JAZF1: variants seen among roughly 807,000 people sequenced by gnomAD.
JAZF1 encodes JAZF zinc finger 1, also known as juxtaposed with another zinc finger protein 1.
JAZF1 carries 8 observed loss-of-function variants against 26.4 expected under a neutral mutation model. That is an observed-to-expected ratio of 0.30 (90% confidence interval 0.18 to 0.55). The LOEUF is 0.55. JAZF1 is among the 20% of genes least tolerant of loss of function. JAZF1 has a pLI of 0.94. For missense variants in JAZF1, 199 were observed against 322.0 expected (o/e 0.62, Z 2.92); for synonymous variants, 126 against 122.3 (o/e 1.03, Z -0.20).
At chr7:28,086,924 A>G (rs551326432) in intron 1 of JAZF1, among the ~76,000 whole-genome samples, 2 of 152,192 alleles carry the variant, frequency 1.3e-5, no homozygotes, top group African/African-American at 2.4e-5. Flanking sequence ...TATAAGGGTG[A>G]TGTACCCTGG....
At chr7:28,018,191 G>A (rs1782930751) in intron 1 of JAZF1, among the ~76,000 whole-genome samples, 1 of 152,190 alleles carries the variant, frequency 6.6e-6, no homozygotes, top group African/African-American at 2.4e-5. Flanking sequence ...GGATGGGGGT[G>A]GGCAAGGATA....
intron 3 of JAZF1, among the ~76,000 whole-genome samples, chr7:27,847,306 T>G (rs1783050196): frequency 6.6e-6 from 1 of 151,778 alleles, no homozygotes; most frequent in Non-Finnish European, 1.5e-5. Flanking sequence ...TCTCGTTTAT[T>G]TATTTTTGTT....
intron 1 of JAZF1, among the ~76,000 whole-genome samples, chr7:28,161,004 C>A (rs138981803): frequency 6.6e-6 from 1 of 152,120 alleles, no homozygotes; most frequent in African/African-American, 2.4e-5. Context: ...TGGATCTCAA[C>A]GTCTAAGTCT....
rs760420526 is a variant in JAZF1 at position 27,832,863 on chromosome 7, C to A, written c.669G>T (p.Arg223=). 1.2e-6 allele frequency: 2 copies of A among 1,611,774 alleles called. No homozygotes were observed. The highest frequency in any genetic ancestry group is 2.7e-5 in the African/African-American group (2 of 74,824). ...GGGGATGGAAATTGATTGTGTGGTG[C>A]CGCAGGCCCTGAGCTGTCTTGTAAC... ...GKSYKTAQGL[R]HHTINFHPPV... The change falls in exon 5 of 5, where the codon CGG becomes CGT. Residue 223 remains arginine, a synonymous_variant. Coordinates refer to ENST00000283928, the MANE Select transcript of JAZF1 (RefSeq NM_175061.4).
At chr7:27,869,409 T>C (rs1348675556) in intron 3 of JAZF1, among the ~76,000 whole-genome samples, 1 of 152,172 alleles carries the variant, frequency 6.6e-6, no homozygotes, top group Non-Finnish European at 1.5e-5. Flanking sequence ...GTTTCCATTG[T>C]AATAAATGTG....
chr7:28,160,273 T>C (rs989841926), intron 1 of JAZF1, among the ~76,000 whole-genome samples: 1 of 152,180 alleles, frequency 6.6e-6, no homozygotes, highest in African/African-American at 2.4e-5. Context: ...ACACCCCAAA[T>C]ATAGCATAAC....
At chr7:28,014,763 C>T (rs147249812) in intron 1 of JAZF1, among the ~76,000 whole-genome samples, 71 of 152,246 alleles carry the variant, frequency 4.7e-4, no homozygotes, top group African/African-American at 1.6e-3. Flanking sequence ...TGTTAGAGAA[C>T]GGAATGTCTC....
chr7:28,114,754 G>C (rs887874921), intron 1 of JAZF1, among the ~76,000 whole-genome samples: 59 of 151,744 alleles, frequency 3.9e-4, no homozygotes, highest in African/African-American at 1.4e-3. Context: ...CTGAGGATGA[G>C]TGTGAGAACA....
intron 3 of JAZF1, among the ~76,000 whole-genome samples, chr7:27,885,929 A>G (rs777297796): frequency 1.8e-4 from 27 of 152,186 alleles, no homozygotes; most frequent in Non-Finnish European, 1.8e-4. Context: ...TTCAGCTTAG[A>G]GCAAAAAATG....
chr7:27,938,777 T>C (rs1784797023), intron 2 of JAZF1, among the ~76,000 whole-genome samples: 1 of 151,760 alleles, frequency 6.6e-6, no homozygotes, highest in African/African-American at 2.4e-5. Context: ...GCTCAAGCAA[T>C]TGTCCCACCT....
chr7:28,152,417 C>T (rs1454256711), intron 1 of JAZF1, among the ~76,000 whole-genome samples: 1 of 152,140 alleles, frequency 6.6e-6, no homozygotes, highest in Non-Finnish European at 1.5e-5. Flanking sequence ...AGTAAGCTGG[C>T]CCTCTGACCC....
chr7:27,840,307 T>TGAGCCATCTGTA lies in JAZF1; in HGVS notation c.555+379_555+390dup, dbSNP rs1489409075. Among the ~76,000 whole-genome samples the TGAGCCATCTGTA allele has an allele frequency of 6.6e-6, 1 of 152,246 alleles. No individual in the cohort carries two copies. Among genetic ancestry groups the TGAGCCATCTGTA allele is most frequent in the African/African-American group, 2.4e-5 (1 of 41,468 alleles). On this transcript the variant is annotated intron_variant, in intron 4 of 4. Coordinates refer to ENST00000283928, the MANE Select transcript of JAZF1 (RefSeq NM_175061.4). This position sits in a 1 kb window ranked among gnomAD's most constrained non-coding sequence, Gnocchi z 5.1. Reference sequence around the variant, plus strand: ...TTTACAACTTCAAAGTGGTCTCCCGTGAGCCATCTGTAGGGCCATCCGTTG... The same window carrying TGAGCCATCTGTA: ...TTTACAACTTCAAAGTGGTCTCCCGTGAGCCATCTGTAGAGCCATCTGTAGGGCCATCCGTTG...
intron 3 of JAZF1, among the ~76,000 whole-genome samples, chr7:27,865,733 C>A (rs2128336934): frequency 6.6e-6 from 1 of 152,216 alleles, no homozygotes; most frequent in Admixed American, 6.5e-5. Flanking sequence ...GGGAGCAGAG[C>A]TGTTGCCAAT....
At chr7:27,878,671 T>C (rs539693622) in intron 3 of JAZF1, among the ~76,000 whole-genome samples, 2 of 152,296 alleles carry the variant, frequency 1.3e-5, no homozygotes, top group Middle Eastern at 6.8e-3. Flanking sequence ...ACGCATTTTG[T>C]AAATTTAGGA....
intron 1 of JAZF1, among the ~76,000 whole-genome samples, chr7:28,173,140 T>C (rs1481231413): frequency 1.3e-5 from 2 of 152,198 alleles, no homozygotes; most frequent in Non-Finnish European, 2.9e-5. Context: ...CGGCAAGGAA[T>C]GCGTTGTACA....
chr7:27,952,837 T>C (rs1785033917), intron 2 of JAZF1, among the ~76,000 whole-genome samples: 1 of 152,240 alleles, frequency 6.6e-6, no homozygotes, highest in Non-Finnish European at 1.5e-5. Flanking sequence ...TTCTTATGAG[T>C]GCAAGCACGG....
At chr7:28,116,361 T>C (rs1286846322) in intron 1 of JAZF1, among the ~76,000 whole-genome samples, 2 of 152,238 alleles carry the variant, frequency 1.3e-5, no homozygotes, top group Non-Finnish European at 2.9e-5. Flanking sequence ...AAAGTGCTAC[T>C]TCAGTACAGT....
At chr7:27,988,966 A>G (rs1785832667) in intron 2 of JAZF1, among the ~76,000 whole-genome samples, 1 of 150,768 alleles carries the variant, frequency 6.6e-6, no homozygotes, top group Non-Finnish European at 1.5e-5. Context: ...ACCAAAAAAG[A>G]GCCTGCATTG....
At chr7:27,897,419 T>C (rs1015309369) in intron 2 of JAZF1, among the ~76,000 whole-genome samples, 12 of 152,234 alleles carry the variant, frequency 7.9e-5, no homozygotes, top group Non-Finnish European at 1.3e-4. Flanking sequence ...GTTTATTCTC[T>C]GTAAAATGGG....
Sources: allele counts gnomAD v4.1 joint callset (sites outside exome capture counted in the v4.1 genomes callset), GRCh38; gene constraint gnomAD v4.1.1; non-coding constraint Gnocchi (gnomAD v3.1); transcripts MANE v1.5; gene names NCBI Gene and HGNC (gene_info 2026-07-23, HGNC 2026-07-21).